SLC35F3: variants seen among roughly 807,000 people sequenced by gnomAD.
The protein encoded by SLC35F3 is solute carrier family 35 member F3.
SLC35F3 carries 25 observed loss-of-function variants against 49.9 expected under a neutral mutation model. The observed-to-expected ratio is 0.50, with a 90% CI of 0.37 to 0.70. The LOEUF (loss-of-function observed/expected upper bound fraction) is 0.70, where lower values mean the gene tolerates loss of function less well. Ranked by LOEUF, SLC35F3 falls within the 30% of genes least tolerant of loss-of-function variation. The probability of loss-of-function intolerance (pLI) is 0.00; values close to 1 mark genes in which losing one functional copy is unlikely to be tolerated. For missense variants in SLC35F3, 525 were observed against 639.8 expected, an observed-to-expected ratio of 0.82 and a Z score of 1.94; for synonymous variants, 275 against 265.4, an observed-to-expected ratio of 1.04 and a Z score of -0.35.
At chr1:233,973,001 C>T (rs1461796842) in intron 2 of SLC35F3, among the ~76,000 whole-genome samples, 3 of 152,192 alleles carry the variant, frequency 2.0e-5, no homozygotes, top group Non-Finnish European at 2.9e-5. Context: ...GAGCCCCAGG[C>T]TCATCATAGC....
At position 234,062,985 on chromosome 1, in the gene SLC35F3, G is replaced by A. The variant is rs750192907; in HGVS notation, c.283+157227G>A. Among the ~76,000 whole-genome samples the A allele has an allele frequency of 5.9e-5, 9 of 151,840 alleles. No homozygotes were observed. In the South Asian group the frequency reaches 8.3e-4, roughly 14 times the overall value. On this transcript the variant is annotated intron_variant, in intron 2 of 7. Transcript: ENST00000366618. Reference sequence around the variant, plus strand: ...ATTACAGGTGTGAGCCACCATGCCCGGCCTAGCAAAATCTCTTAATCAAGG... The same window carrying A: ...ATTACAGGTGTGAGCCACCATGCCCAGCCTAGCAAAATCTCTTAATCAAGG...
At chr1:234,053,973 A>G (rs1471704529) in intron 2 of SLC35F3, among the ~76,000 whole-genome samples, 1 of 151,926 alleles carries the variant, frequency 6.6e-6, no homozygotes, top group Non-Finnish European at 1.5e-5. Context: ...ATTGGCCCCC[A>G]CTCTCTTCTG....
At chr1:234,071,765 C>T (rs1300366425) in intron 2 of SLC35F3, among the ~76,000 whole-genome samples, 1 of 152,192 alleles carries the variant, frequency 6.6e-6, no homozygotes, top group African/African-American at 2.4e-5. Flanking sequence ...ACAGCTCCTC[C>T]CAAACTCCGT....
At chr1:233,990,311 C>T (rs1242719267) in intron 2 of SLC35F3, among the ~76,000 whole-genome samples, 1 of 152,134 alleles carries the variant, frequency 6.6e-6, no homozygotes, top group African/African-American at 2.4e-5. Context: ...TTTAATAAAA[C>T]ACAAAGACTG....
intron 2 of SLC35F3, among the ~76,000 whole-genome samples, chr1:234,032,518 T>G: frequency 6.6e-6 from 1 of 152,142 alleles, no homozygotes; most frequent in East Asian, 1.9e-4. Context: ...CCTTCCACAC[T>G]TCCCCCCGAT....
rs1319814932 is a variant in SLC35F3, at chr1:234,154,068, A to AAAC, written c.284-77347_284-77346insCAA. Among the ~76,000 whole-genome samples the AAAC allele has an allele frequency of 3.9e-4, 59 of 151,496 alleles. 1 individual carries two copies. The South Asian group carries it at 8.8e-3, about 22-fold the overall frequency. On this transcript the variant is annotated intron_variant, in intron 2 of 7. Transcript: ENST00000366618. ...CAGAGCGAGACTCCGTCTCAAAAAA[A>AAAC]AAAACAAAAAACAAAAAACTAGCTG...
At chr1:234,263,562 C>T (rs1667937086) in intron 3 of SLC35F3, among the ~76,000 whole-genome samples, 1 of 152,062 alleles carries the variant, frequency 6.6e-6, no homozygotes, top group Non-Finnish European at 1.5e-5. Context: ...AACATGAGTA[C>T]CACCCAGGAG....
intron 2 of SLC35F3, among the ~76,000 whole-genome samples, chr1:233,962,859 T>C (rs1558190727): frequency 6.6e-6 from 1 of 152,366 alleles, no homozygotes; most frequent in Non-Finnish European, 1.5e-5. Context: ...ATGGGAATAT[T>C]GCATTTTTTG....
rs1664290957 is a variant in SLC35F3, at chr1:234,046,283, T to C, written c.283+140525T>C. ...ACTATTCTATATTCTTACTAACACC[T>C]GCTATTGAAGATTTTAAATACTTTT... On this transcript the variant is annotated intron_variant, in intron 2 of 7. Coordinates refer to ENST00000366618, the MANE Select transcript of SLC35F3 (RefSeq NM_173508.4). This position sits in a 1 kb window ranked among gnomAD's most constrained non-coding sequence, Gnocchi z 4.4. Among the ~76,000 whole-genome samples, 2 of 152,208 alleles carry C rather than the reference T, an allele frequency of 1.3e-5. No individual in the cohort carries two copies. The highest frequency in any genetic ancestry group is 4.8e-5 in the African/African-American group (2 of 41,464).
At chr1:234,194,695 A>G (rs1328007607) in intron 2 of SLC35F3, among the ~76,000 whole-genome samples, 1 of 152,194 alleles carries the variant, frequency 6.6e-6, no homozygotes, top group African/African-American at 2.4e-5. Flanking sequence ...TTAGAAACAT[A>G]TGTGGGTGTC....
intron 2 of SLC35F3, among the ~76,000 whole-genome samples, chr1:234,051,118 C>A (rs1425670352): frequency 6.6e-6 from 1 of 152,070 alleles, no homozygotes; most frequent in Non-Finnish European, 1.5e-5. Flanking sequence ...CTTGGCATTG[C>A]GGGCTCTTTT....
chr1:234,270,468 G>A (rs1183738187), intron 3 of SLC35F3, among the ~76,000 whole-genome samples: 1 of 152,210 alleles, frequency 6.6e-6, no homozygotes, highest in African/African-American at 2.4e-5. Flanking sequence ...GTTGAGGCAT[G>A]GCCGGTGATA....
intron 2 of SLC35F3, among the ~76,000 whole-genome samples, chr1:234,205,658 A>C (rs966669656): frequency 3.9e-5 from 6 of 152,242 alleles, no homozygotes. Context: ...CTCTGCCAAG[A>C]GTCAAACCCA....
At chr1:233,944,455 T>C (rs1222628984) in intron 2 of SLC35F3, among the ~76,000 whole-genome samples, 1 of 152,196 alleles carries the variant, frequency 6.6e-6, no homozygotes, top group African/African-American at 2.4e-5. Flanking sequence ...TTTCTAGTCA[T>C]TTTAGTTTTC....
chr1:234,265,599 C>G (rs551240090), intron 3 of SLC35F3, among the ~76,000 whole-genome samples: 3 of 152,114 alleles, frequency 2.0e-5, no homozygotes, highest in Non-Finnish European at 2.9e-5. Flanking sequence ...CCATGTCCCC[C>G]CAAGACGAAG....
chr1:234,262,241 T>C (rs1409575469), intron 3 of SLC35F3, among the ~76,000 whole-genome samples: 2 of 151,776 alleles, frequency 1.3e-5, no homozygotes, highest in African/African-American at 2.4e-5. Context: ...AAGGATAACG[T>C]TGGACTAGCA....
chr1:234,113,251 T>G (rs992261282), intron 2 of SLC35F3, among the ~76,000 whole-genome samples: 2 of 152,196 alleles, frequency 1.3e-5, no homozygotes, highest in Admixed American at 1.3e-4. Flanking sequence ...GCCTTAGACC[T>G]GGGACATAAA....
chr1:234,090,948 C>G (rs1222964211), intron 2 of SLC35F3, among the ~76,000 whole-genome samples: 1 of 152,130 alleles, frequency 6.6e-6, no homozygotes, highest in Non-Finnish European at 1.5e-5. Flanking sequence ...CGTTTCAACA[C>G]GGGGAGGAAC....
At chr1:234,125,785 G>T (rs750791182) in intron 2 of SLC35F3, among the ~76,000 whole-genome samples, 9 of 152,090 alleles carry the variant, frequency 5.9e-5, no homozygotes, top group Non-Finnish European at 1.2e-4. Context: ...ATTTGGCACG[G>T]CACTCCCCGC....
Sources: gnomAD v4.1 joint callset for allele counts (sites outside exome capture counted in the v4.1 genomes callset) on GRCh38, gnomAD v4.1.1 for gene constraint, Gnocchi (gnomAD v3.1) non-coding constraint, MANE v1.5 for transcripts, NCBI Gene and HGNC (gene_info 2026-07-23, HGNC 2026-07-21) for gene names.